The following AATK variants were observed in gnomAD, a reference collection of about 807,000 sequenced individuals.
AATK encodes serine/threonine-protein kinase LMTK1.
Under a neutral mutation model 114.3 loss-of-function variants are expected in AATK, and 91 were observed. The ratio of observed to expected loss-of-function variants is 0.80; its 90% CI spans 0.67 to 0.95. AATK has a LOEUF of 0.95. Ranked by LOEUF, AATK falls within the 40% of genes least tolerant of loss-of-function variation. The probability of loss-of-function intolerance (pLI) is 0.00; values close to 1 mark genes in which losing one functional copy is unlikely to be tolerated. For synonymous variants in AATK, 1,075 were observed against 916.5 expected (o/e 1.17, Z -3.12); for missense variants, 2,176 against 1,965.2 (o/e 1.11, Z -2.03).
chr17:81,131,383 G>C (rs2060928950), intron 2 of AATK, among the ~76,000 whole-genome samples, 178 bp from the exon 3 acceptor site: 2 of 152,280 alleles, frequency 1.3e-5, no homozygotes, highest in South Asian at 4.1e-4. Flanking sequence ...CCTGCTAACT[G>C]CCCTTCCATC....
rs1422508932 is a variant in AATK, at chr17:81,121,271, C to G, written c.2665G>C (p.Ala889Pro). 1.8e-5 allele frequency: 29 copies of G among 1,611,012 alleles called. No individual in the cohort carries two copies. Among genetic ancestry groups the G allele is most frequent in the Non-Finnish European group, 2.5e-5 (29 of 1,179,354 alleles). The change falls in exon 11 of 14, where the codon GCC becomes CCC. Residue 889 changes from alanine to proline, a missense_variant. Physicochemically the swap from Ala to Pro is conservative, Grantham distance 27 (BLOSUM62 -1). Coordinates refer to ENST00000326724, the MANE Select transcript of AATK (RefSeq NM_001080395.3). ...ACCTGCTTCTGCAGAGAGCGGAAGG[C>G]TGGCACCACATCCGGCCTCCTGGCC... ...LQARRPDVVP[A>P]FRSLQKQVGT...
rs768825150 is a variant in AATK, at chr17:81,122,022, G to A, written c.1914C>T (p.Phe638=). The change falls in exon 11 of 14, where the codon TTC becomes TTT. Residue 638 remains phenylalanine (F), a synonymous_variant. Transcript: ENST00000326724. The part of the protein sequence containing the change: ...DWGVAAFCPA[F]FEDPLGTSPL... ...GGGACGTGCCCAGTGGGTCCTCGAAGAAGGCAGGACAGAAGGCGGCCACGC... is the reference window on the plus strand; with the variant it reads ...GGGACGTGCCCAGTGGGTCCTCGAAAAAGGCAGGACAGAAGGCGGCCACGC... 9 of 1,600,550 alleles carry A rather than the reference G, an allele frequency of 5.6e-6. No individual in the cohort carries two copies. The highest frequency in any genetic ancestry group is 2.2e-5 in the East Asian group (1 of 44,860).
intron 13 of AATK, 50 bp from the exon 14 acceptor site, chr17:81,118,492 TGCCTCCCCCGCAACTCCCACCTG>T (rs1423825246): frequency 6.3e-7 from 1 of 1,582,072 alleles, no homozygotes; most frequent in Non-Finnish European, 8.6e-7. Flanking sequence ...ACACCAGGGC[TGCCTCCCCCGCAACTCCCACCTG>T]GCCTCCATCC....
At chr17:81,130,149 C>T (rs1300398783) in intron 3 of AATK, among the ~76,000 whole-genome samples, 2 of 152,368 alleles carry the variant, frequency 1.3e-5, no homozygotes, top group South Asian at 2.1e-4. Flanking sequence ...ACCGCAGTAA[C>T]AGGCCCTGGT....
chr17:81,149,725 C>CA lies in AATK; in HGVS notation c.56-15225dup, dbSNP rs1481206905. ...GCCCCCATGAGCTCTGCCCCCTGCTCACGCCTGTCCGGGCTCTCTGCTTGT... is the reference window on the plus strand; with the variant it reads ...GCCCCCATGAGCTCTGCCCCCTGCTCAACGCCTGTCCGGGCTCTCTGCTTGT... On this transcript the variant is annotated intron_variant, in intron 1 of 13. Transcript: ENST00000326724. Among the ~76,000 whole-genome samples the CA allele has an allele frequency of 3.3e-5, 5 of 152,334 alleles. No homozygotes were observed. The South Asian group carries it at 1.0e-3, about 32-fold the overall frequency.
chr17:81,126,845 C>A lies in AATK; in HGVS notation c.622-285G>T. ...GTGGTAGAGAGAGAAACACAGGGCCCAAGTGGATCTGCTTGATGGAGTCTG... is the reference window on the plus strand; with the variant it reads ...GTGGTAGAGAGAGAAACACAGGGCCAAAGTGGATCTGCTTGATGGAGTCTG... On this transcript the variant is annotated intron_variant, in intron 6 of 13. Transcript: ENST00000326724. The surrounding 1 kb of genome is among the most constrained non-coding windows in gnomAD (Gnocchi z 5.1). 1 of 1,259,564 alleles carries A rather than the reference C, an allele frequency of 7.9e-7. No homozygotes were observed. Among genetic ancestry groups the A allele is most frequent in the South Asian group, 2.6e-5 (1 of 38,910 alleles). 78.0% of individuals were successfully genotyped at this position (1,259,564 alleles called of 1,614,324 possible). A position where few individuals can be genotyped will look rare whatever the true frequency, so the allele number is the denominator to read the frequency against.
intron 1 of AATK, 43 bp from the exon 2 acceptor site, chr17:81,134,544 C>T (rs55660414): frequency 0.076 from 119,905 of 1,587,520 alleles, 5,149 homozygotes; most frequent in Non-Finnish European, 0.091. Context: ...GGCTGAGGGC[C>T]GGCCAGGCCC....
In AATK at chr17:81,148,710, GCACA is replaced by G. The variant is rs141111879; in HGVS notation, c.56-14213_56-14210del. On this transcript the variant is annotated intron_variant, in intron 1 of 13. Transcript: ENST00000326724. ...CATACAGACACACGGGCACACACTT[GCACA>G]CACACACACACGTGCTCTCAGACAC... 1.1e-3 allele frequency among the ~76,000 whole-genome samples: 159 copies of G among 150,900 alleles called. 2 individuals carry two copies. The South Asian group carries it at 0.029, about 28-fold the overall frequency.
intron 1 of AATK, among the ~76,000 whole-genome samples, chr17:81,162,138 G>A (rs1421309351): frequency 7.9e-5 from 12 of 152,080 alleles, no homozygotes. Flanking sequence ...GCTGGTAGGT[G>A]GGAGCCGGAC....
At chr17:81,157,448 A>T (rs1190679705) in intron 1 of AATK, among the ~76,000 whole-genome samples, 2 of 152,120 alleles carry the variant, frequency 1.3e-5, no homozygotes, top group African/African-American at 2.4e-5. Context: ...GCCCTCCCCC[A>T]GTGCTAGGAC....
chr17:81,118,539 A>G (rs2060601606), intron 13 of AATK, 97 bp from the exon 14 acceptor site: 2 of 1,305,182 alleles, frequency 1.5e-6, no homozygotes, highest in South Asian at 2.6e-5. Flanking sequence ...GCCCACATAC[A>G]GGCCGGGCCC....
chr17:81,129,308 C>G (rs1598926489), intron 3 of AATK, among the ~76,000 whole-genome samples: 1 of 152,132 alleles, frequency 6.6e-6, no homozygotes, highest in South Asian at 2.1e-4. Flanking sequence ...TGTGGGCCCA[C>G]CGGGTGCTGT....
chr17:81,128,926 G>C, intron 3 of AATK: 2 of 1,119,702 alleles, frequency 1.8e-6, no homozygotes, highest in Middle Eastern at 4.2e-4. Context: ...AGAGGGCACT[G>C]GAGCGGCCCA....
Position 81,121,436 on chromosome 17 carries a change from C to T in AATK, c.2500G>A (p.Glu834Lys), listed in dbSNP as rs375513190. ...PDSPTPATGG[E>K]VSAIKLASAL... The stretch of plus-strand genomic sequence containing the variant: ...GAAGCCAGCTTGATGGCAGACACCT[C>T]GCCACCAGTAGCAGGCGTGGGAGAG... The change falls in exon 11 of 14, where the codon GAG becomes AAG. Residue 834 changes from glutamate (E) to lysine (K), a missense_variant. This residue lies in a region of AATK where 1,701 missense variants were observed against 1,394.7 expected (regional missense o/e 1.22). Coordinates refer to ENST00000326724, the MANE Select transcript of AATK (RefSeq NM_001080395.3). The T allele has an allele frequency of 1.1e-5, 18 of 1,600,654 alleles. No homozygotes were observed. Among genetic ancestry groups the T allele is most frequent in the East Asian group, 2.3e-5 (1 of 44,414 alleles).
intron 1 of AATK, chr17:81,165,452 GC>G: frequency 5.4e-6 from 2 of 369,706 alleles, no homozygotes; most frequent in Non-Finnish European, 1.0e-5. Flanking sequence ...ATGTGGACTG[GC>G]CCCTGCTCCC....
intron 1 of AATK, among the ~76,000 whole-genome samples, chr17:81,143,890 A>G (rs1235432247): frequency 1.3e-5 from 2 of 152,180 alleles, no homozygotes; most frequent in East Asian, 1.9e-4. Context: ...TGACCCCCAC[A>G]TGCTAGCTCA....
At chr17:81,157,801 C>A (rs1358051562) in intron 1 of AATK, among the ~76,000 whole-genome samples, 2 of 152,220 alleles carry the variant, frequency 1.3e-5, no homozygotes, top group Non-Finnish European at 2.9e-5. Context: ...AAGGGGCAGG[C>A]AGCTCCAGCT....
chr17:81,121,210 G>C lies in AATK; in HGVS notation c.2726C>G (p.Pro909Arg). ...ATAGCCACCATCACTGGCTGAGGAC[G>C]GGATGTCCAGGGAGTCCAGGGAGTC... ...TPDSLDSLDI[P>R]SSASDGGYEV... is the part of the protein sequence containing the mutation. Residue 909 changes from proline to arginine, a missense_variant, in exon 11 of 14, where the codon CCG (proline) becomes CGG (arginine). By Grantham distance (103) the Pro-to-Arg change is moderately radical. Transcript: ENST00000326724. 6.2e-7 allele frequency: 1 copy of C among 1,604,366 alleles called. No homozygotes were observed. The highest frequency in any genetic ancestry group is 1.1e-5 in the South Asian group (1 of 89,574).
intron 9 of AATK, among the ~76,000 whole-genome samples, chr17:81,124,523 T>C (rs946864089): frequency 6.6e-6 from 1 of 152,202 alleles, no homozygotes; most frequent in African/African-American, 2.4e-5. Flanking sequence ...GACCCCACCA[T>C]GGGGTCCCTG....
Sources: gnomAD v4.1 joint callset for allele counts (sites outside exome capture counted in the v4.1 genomes callset) on GRCh38, gnomAD v4.1.1 for gene constraint, gnomAD v4.1.1 regional missense constraint, Gnocchi (gnomAD v3.1) non-coding constraint, MANE v1.5 for transcripts, NCBI Gene and HGNC (gene_info 2026-07-23, HGNC 2026-07-21) for gene names.